Variants in ASIC2 observed in about 807,000 individuals in gnomAD.
ASIC2 encodes the protein acid-sensing ion channel 2.
In ASIC2, 25 loss-of-function variants were observed where a neutral mutation model predicts 57.3. That is an observed-to-expected ratio of 0.44 (90% confidence interval 0.32 to 0.61). The LOEUF (loss-of-function observed/expected upper bound fraction) is 0.61, where lower values mean the gene tolerates loss of function less well. ASIC2 is among the 20% of genes least tolerant of loss of function. The pLI, the probability that ASIC2 is intolerant of heterozygous loss-of-function variation, is 0.06. For missense variants in ASIC2, 641 were observed against 738.1 expected (o/e 0.87, Z 1.52); for synonymous variants, 319 against 307.5 (o/e 1.04, Z -0.39).
intron 1 of ASIC2, among the ~76,000 whole-genome samples, chr17:33,696,989 G>T (rs1317212790): frequency 1.3e-5 from 2 of 152,096 alleles, no homozygotes; most frequent in Non-Finnish European, 2.9e-5. Flanking sequence ...CACATGAATG[G>T]TTTTGCACCA....
intron 1 of ASIC2, among the ~76,000 whole-genome samples, chr17:34,083,910 T>A (rs1462328994): frequency 6.6e-6 from 1 of 152,234 alleles, no homozygotes; most frequent in Non-Finnish European, 1.5e-5. Context: ...TCATTGTGGA[T>A]TCTGGATATT....
chr17:33,332,617 A>G (rs1271097625), intron 1 of ASIC2, among the ~76,000 whole-genome samples: 3 of 152,278 alleles, frequency 2.0e-5, no homozygotes, highest in East Asian at 3.9e-4. Context: ...ACGGCCAGGC[A>G]TGGTGGCTCA....
chr17:33,397,250 C>G (rs138565717), intron 1 of ASIC2, among the ~76,000 whole-genome samples: 1 of 152,292 alleles, frequency 6.6e-6, no homozygotes, highest in East Asian at 1.9e-4. Context: ...AGAGACTATG[C>G]CTGTTGCCAA....
chr17:34,041,001 G>C (rs1337746472), intron 1 of ASIC2, among the ~76,000 whole-genome samples: 1 of 152,188 alleles, frequency 6.6e-6, no homozygotes, highest in Non-Finnish European at 1.5e-5. Flanking sequence ...AAAAGATGGA[G>C]ATCCAAATGT....
At chr17:34,030,850 A>G (rs1000567831) in intron 1 of ASIC2, among the ~76,000 whole-genome samples, 1 of 152,364 alleles carries the variant, frequency 6.6e-6, no homozygotes, top group African/African-American at 2.4e-5. Context: ...GATTAGGTAA[A>G]CAAAGAGGCC....
At chr17:33,271,598 C>T (rs1192214414) in intron 1 of ASIC2, among the ~76,000 whole-genome samples, 2 of 152,196 alleles carry the variant, frequency 1.3e-5, no homozygotes, top group Admixed American at 1.3e-4. Context: ...TTATCACCCT[C>T]TACTACCAAT....
chr17:33,356,815 CA>C (rs1908394030), intron 1 of ASIC2, among the ~76,000 whole-genome samples: 1 of 151,994 alleles, frequency 6.6e-6, no homozygotes, highest in Admixed American at 6.6e-5. Context: ...GGGCTTGATG[CA>C]GCTTAGGGAT....
chr17:34,011,003 C>CAG (rs1906704132), intron 1 of ASIC2, among the ~76,000 whole-genome samples: 1 of 58,850 alleles, frequency 1.7e-5, no homozygotes, highest in Non-Finnish European at 4.0e-5. Flanking sequence ...GTCAGACACA[C>CAG]ACACACACAG....
At chr17:33,218,731 C>A (rs1362115390) in intron 1 of ASIC2, among the ~76,000 whole-genome samples, 1 of 152,178 alleles carries the variant, frequency 6.6e-6, no homozygotes, top group South Asian at 2.1e-4. Context: ...GACTTAAAAA[C>A]CCATTTTCCC....
At chr17:33,157,212 G>A (rs1044736816) in intron 1 of ASIC2, among the ~76,000 whole-genome samples, 1 of 152,110 alleles carries the variant, frequency 6.6e-6, no homozygotes, top group African/African-American at 2.4e-5. Flanking sequence ...GACACCCCCA[G>A]GGAAACCAAC....
At chr17:33,965,102 A>C (rs1905037958) in intron 1 of ASIC2, among the ~76,000 whole-genome samples, 1 of 152,228 alleles carries the variant, frequency 6.6e-6, no homozygotes, top group Non-Finnish European at 1.5e-5. Flanking sequence ...AAAAATGAGA[A>C]AGAGGAAAGG....
intron 1 of ASIC2, among the ~76,000 whole-genome samples, chr17:33,492,708 C>T (rs544907151): frequency 1.2e-4 from 19 of 152,296 alleles, no homozygotes; most frequent in African/African-American, 4.3e-4. Context: ...CTAACATTGG[C>T]ACTGGTGAGC....
At chr17:33,143,985 G>T (rs753449694) in intron 1 of ASIC2, among the ~76,000 whole-genome samples, 2 of 152,054 alleles carry the variant, frequency 1.3e-5, no homozygotes, top group Non-Finnish European at 2.9e-5. Flanking sequence ...CCCACTTGAT[G>T]CCCAACCCTT....
At chr17:33,714,711 C>T (rs1909155596) in intron 1 of ASIC2, among the ~76,000 whole-genome samples, 1 of 151,844 alleles carries the variant, frequency 6.6e-6, no homozygotes, top group Non-Finnish European at 1.5e-5. Flanking sequence ...TCGACTTTGC[C>T]TGTTTCTCTT....
intron 1 of ASIC2, among the ~76,000 whole-genome samples, chr17:33,848,974 A>G (rs935067102): frequency 2.0e-5 from 3 of 152,240 alleles, no homozygotes; most frequent in African/African-American, 7.2e-5. Flanking sequence ...TTAAAGTAAC[A>G]TACCTAGGAA....
chr17:33,771,110 C>G (rs1911091329), intron 1 of ASIC2, among the ~76,000 whole-genome samples: 1 of 152,158 alleles, frequency 6.6e-6, no homozygotes, highest in Non-Finnish European at 1.5e-5. Context: ...AAGAATAAAA[C>G]TACATAGTAA....
chr17:34,090,423 A>G (rs1408139768), intron 1 of ASIC2, among the ~76,000 whole-genome samples: 2 of 151,032 alleles, frequency 1.3e-5, no homozygotes, highest in African/African-American at 4.9e-5. Flanking sequence ...TGGGAAGTGC[A>G]CTGGAGTAAG....
chr17:33,138,437 C>A (rs2092374283), intron 1 of ASIC2, among the ~76,000 whole-genome samples: 1 of 152,098 alleles, frequency 6.6e-6, no homozygotes, highest in Non-Finnish European at 1.5e-5. Flanking sequence ...GAGATTACAC[C>A]CAGCAATTTA....
At chr17:33,480,397 A>T (rs915819971) in intron 1 of ASIC2, among the ~76,000 whole-genome samples, 6 of 152,200 alleles carry the variant, frequency 3.9e-5, no homozygotes, top group Non-Finnish European at 7.4e-5. Context: ...GAAGGACAGG[A>T]AGGAGCCACA....
Sources: allele counts gnomAD v4.1 joint callset (sites outside exome capture counted in the v4.1 genomes callset), GRCh38; gene constraint gnomAD v4.1.1; transcripts MANE v1.5; gene names NCBI Gene and HGNC (gene_info 2026-07-23, HGNC 2026-07-21).